Variants in PTPRN2 observed in about 807,000 individuals in gnomAD.
PTPRN2 encodes the protein protein tyrosine phosphatase receptor type N2, also known as receptor-type tyrosine-protein phosphatase N2.
A neutral mutation model predicts 118.8 loss-of-function variants in PTPRN2; 74 were observed. That is an observed-to-expected ratio of 0.62 (90% CI 0.52 to 0.76). The LOEUF is 0.76. PTPRN2 is among the 30% of genes least tolerant of loss of function. The probability of loss-of-function intolerance (pLI) is 0.00; values close to 1 mark genes in which losing one functional copy is unlikely to be tolerated. For missense variants in PTPRN2, 1,481 were observed against 1,394.4 expected (o/e 1.06, Z -0.99); for synonymous variants, 641 against 608.0 (o/e 1.05, Z -0.80).
chr7:158,585,888 A>T (rs1563459537), intron 1 of PTPRN2, among the ~76,000 whole-genome samples: 1 of 152,208 alleles, frequency 6.6e-6, no homozygotes, highest in Non-Finnish European at 1.5e-5. Flanking sequence ...GTGACTGGCC[A>T]GGTCAAGCCA....
intron 5 of PTPRN2, among the ~76,000 whole-genome samples, chr7:158,188,330 C>G (rs1261312085): frequency 2.1e-4 from 20 of 94,756 alleles, no homozygotes; most frequent in African/African-American, 7.2e-4. Flanking sequence ...CACGCTCGCC[C>G]CCTGATGGGG....
At chr7:158,074,560 G>C (rs1025670140) in intron 11 of PTPRN2, among the ~76,000 whole-genome samples, 4 of 152,200 alleles carry the variant, frequency 2.6e-5, no homozygotes, top group Admixed American at 6.5e-5. Flanking sequence ...CAGCCAACTA[G>C]GGGTGAGCTC....
chr7:158,141,058 C>T (rs1351300825), intron 6 of PTPRN2, among the ~76,000 whole-genome samples: 6 of 152,062 alleles, frequency 3.9e-5, no homozygotes, highest in South Asian at 2.1e-4. Flanking sequence ...AGGGGGGTCC[C>T]GCTGCCACCC....
intron 1 of PTPRN2, among the ~76,000 whole-genome samples, chr7:158,506,593 C>G (rs936820829): frequency 6.6e-6 from 1 of 151,846 alleles, no homozygotes; most frequent in African/African-American, 2.4e-5. Context: ...CCTACAGGCC[C>G]GGGGTCTACA....
intron 3 of PTPRN2, among the ~76,000 whole-genome samples, chr7:158,278,405 C>CGGGAGGCTGCGGGTGAAGGT (rs1799182592): frequency 6.9e-6 from 1 of 145,966 alleles, no homozygotes; most frequent in Non-Finnish European, 1.5e-5. Context: ...CCCAGCTACG[C>CGGGAGGCTGCGGGTGAAGGT]GGGAGGCTGC....
intron 1 of PTPRN2, among the ~76,000 whole-genome samples, chr7:158,583,097 C>T (rs1041718579): frequency 6.6e-6 from 1 of 152,196 alleles, no homozygotes; most frequent in African/African-American, 2.4e-5. Context: ...TTCCTAGTCC[C>T]ATATTCCTCA....
chr7:158,148,384 G>A (rs1820422203), intron 6 of PTPRN2, among the ~76,000 whole-genome samples: 1 of 134,620 alleles, frequency 7.4e-6, no homozygotes, highest in African/African-American at 2.8e-5. Flanking sequence ...CACGCCACGT[G>A]TCTTTCCCCC....
chr7:157,699,651 C>T lies in PTPRN2; in HGVS notation c.1789-16714G>A, dbSNP rs117341685. 5.5e-4 allele frequency among the ~76,000 whole-genome samples: 84 copies of T among 152,318 alleles called. 1 individual carries two copies. The East Asian group carries it at 0.014, about 25-fold the overall frequency. On this transcript the variant is annotated intron_variant, in intron 12 of 22. Transcript: ENST00000389418. ...CCATCTTGGCCAGGCTGTTCTTGAG[C>T]TCCCAACCTCGGGTGGTCTGCCCAC...
chr7:158,351,759 C>A (rs1271239331), intron 2 of PTPRN2, among the ~76,000 whole-genome samples: 3 of 152,126 alleles, frequency 2.0e-5, no homozygotes, highest in Non-Finnish European at 4.4e-5. Context: ...ATATCATTTT[C>A]ATTCAGGGGG....
intron 12 of PTPRN2, among the ~76,000 whole-genome samples, chr7:157,805,522 C>T (rs140563689): frequency 6.6e-6 from 1 of 152,038 alleles, no homozygotes; most frequent in Non-Finnish European, 1.5e-5. Flanking sequence ...TAAATGAGCA[C>T]CAGGGGTGAA....
At chr7:158,375,231 C>G (rs1810406596) in intron 2 of PTPRN2, among the ~76,000 whole-genome samples, 1 of 152,202 alleles carries the variant, frequency 6.6e-6, no homozygotes, top group South Asian at 2.1e-4. Flanking sequence ...AGAATTATAC[C>G]AGGCAAGTGC....
chr7:158,155,511 CCAT>C (rs547962172), intron 6 of PTPRN2, among the ~76,000 whole-genome samples: 209 of 128,692 alleles, frequency 1.6e-3, no homozygotes, highest in African/African-American at 5.3e-3. Context: ...ATCACCAATG[CCAT>C]CATCACCATC....
At chr7:158,273,714 G>A (rs1436389327) in intron 3 of PTPRN2, among the ~76,000 whole-genome samples, 2 of 134,338 alleles carry the variant, frequency 1.5e-5, no homozygotes, top group Non-Finnish European at 3.2e-5. Flanking sequence ...GGGAGCTGCA[G>A]ACACAGGAGG....
rs193083669 is a variant in PTPRN2, at chr7:158,437,542, T to C, written c.163+52193A>G. Among the ~76,000 whole-genome samples, 189 of 152,260 alleles carry C rather than the reference T, an allele frequency of 1.2e-3. 2 individuals carry two copies. The highest frequency in any genetic ancestry group is 6.8e-3 in the Middle Eastern group (2 of 294). On this transcript the variant is annotated intron_variant, in intron 2 of 22. Coordinates refer to ENST00000389418, the MANE Select transcript of PTPRN2 (RefSeq NM_002847.5). ...CCTCACTAGACAGCCAGATCGAGGGTAGATCCCCTTAACTCAAGGGAGGCC... is the reference window on the plus strand; with the variant it reads ...CCTCACTAGACAGCCAGATCGAGGGCAGATCCCCTTAACTCAAGGGAGGCC...
At chr7:158,316,537 G>A (rs915372450) in intron 3 of PTPRN2, among the ~76,000 whole-genome samples, 4 of 152,120 alleles carry the variant, frequency 2.6e-5, no homozygotes, top group Non-Finnish European at 4.4e-5. Flanking sequence ...AGCAGCCGAC[G>A]CCTGCCTACT....
chr7:158,414,442 A>C (rs1814476234), intron 2 of PTPRN2, among the ~76,000 whole-genome samples: 1 of 150,630 alleles, frequency 6.6e-6, no homozygotes, highest in Admixed American at 6.6e-5. Flanking sequence ...TTAAAATAGA[A>C]TCCCATCCCA....
At chr7:157,920,891 T>G (rs1388059781) in intron 11 of PTPRN2, among the ~76,000 whole-genome samples, 1 of 152,134 alleles carries the variant, frequency 6.6e-6, no homozygotes, top group East Asian at 1.9e-4. Flanking sequence ...GCACAGTTCA[T>G]GAAAAAAACA....
rs143992433 is a variant in PTPRN2, at chr7:158,509,167, T to C, written c.113-19382A>G. Among the ~76,000 whole-genome samples, 268 of 152,144 alleles carry C rather than the reference T, an allele frequency of 1.8e-3. 7 individuals are homozygous for C. In the East Asian group the frequency reaches 0.034, roughly 19 times the overall value. On this transcript the variant is annotated intron_variant, in intron 1 of 22. Transcript: ENST00000389418. This position sits in a 1 kb window ranked among gnomAD's most constrained non-coding sequence, Gnocchi z 4.4. ...GAAGAGAGAGGCGCCACACACAGCCTCCACGCAGCCTCCACCCAGCAGGCG... is the reference window on the plus strand; with the variant it reads ...GAAGAGAGAGGCGCCACACACAGCCCCCACGCAGCCTCCACCCAGCAGGCG...
chr7:158,303,507 C>A (rs1801048013), intron 3 of PTPRN2, among the ~76,000 whole-genome samples: 1 of 152,170 alleles, frequency 6.6e-6, no homozygotes, highest in Non-Finnish European at 1.5e-5. Flanking sequence ...TAACAAAATG[C>A]ATTATACTAA....
Sources: gnomAD v4.1 joint callset for allele counts (sites outside exome capture counted in the v4.1 genomes callset) on GRCh38, gnomAD v4.1.1 for gene constraint, Gnocchi (gnomAD v3.1) non-coding constraint, MANE v1.5 for transcripts, NCBI Gene and HGNC (gene_info 2026-07-23, HGNC 2026-07-21) for gene names.